The following TSEN2 variants were observed in gnomAD, a reference collection of about 807,000 sequenced individuals.
The protein encoded by TSEN2 is tRNA splicing endonuclease subunit 2.
In TSEN2, 54 loss-of-function variants were observed where a neutral mutation model predicts 59.2. The observed-to-expected ratio is 0.91, with a 90% CI of 0.73 to 1.14. TSEN2 has a LOEUF of 1.14. Ranked by LOEUF, TSEN2 falls within the 50% of genes most tolerant of loss-of-function variation. The pLI is 0.00. For synonymous variants in TSEN2, 195 were observed against 198.2 expected, an observed-to-expected ratio of 0.98 and a Z score of 0.14; for missense variants, 636 against 576.2, an observed-to-expected ratio of 1.10 and a Z score of -1.06.
At chr3:12,497,984 G>C (rs2053921683) in intron 4 of TSEN2, among the ~76,000 whole-genome samples, 1 of 152,020 alleles carries the variant, frequency 6.6e-6, no homozygotes, top group African/African-American at 2.4e-5. Context: ...TCCTTGGCTT[G>C]CAGATGCATC....
Position 12,489,919 on chromosome 3 carries a change from T to G in TSEN2, c.119T>G (p.Phe40Cys), listed in dbSNP as rs138662263. The change falls in exon 2 of 12, where the codon TTC becomes TGC. Residue 40 changes from phenylalanine (F) to cysteine (C), a missense_variant. Transcript: ENST00000284995. ...DHGPLKEFKI[F>C]RAEMINNNVI... ...GGTCCTCTGAAAGAATTCAAGATAT[T>G]CCGTGCTGAAATGATTAACAACAAT... 1.8e-5 allele frequency: 29 copies of G among 1,614,056 alleles called. No individual in the cohort carries two copies. The highest frequency in any genetic ancestry group is 1.7e-6 in the Non-Finnish European group (2 of 1,180,040).
chr3:12,493,178 A>T (rs1261936406), intron 3 of TSEN2, among the ~76,000 whole-genome samples: 1 of 152,146 alleles, frequency 6.6e-6, no homozygotes, highest in Non-Finnish European at 1.5e-5. Flanking sequence ...CTGCTGATGG[A>T]CACTTAGATT....
At chr3:12,519,430 T>G (rs2056432877) in intron 8 of TSEN2, among the ~76,000 whole-genome samples, 1 of 152,208 alleles carries the variant, frequency 6.6e-6, no homozygotes, top group African/African-American at 2.4e-5. Context: ...AGGCTTTCCC[T>G]CTTGTTTGCT....
chr3:12,523,880 A>G (rs1300987311), intron 8 of TSEN2, among the ~76,000 whole-genome samples: 1 of 151,870 alleles, frequency 6.6e-6, no homozygotes, highest in African/African-American at 2.4e-5. Context: ...TTGTTTTTCT[A>G]GTCAAACTTT....
chr3:12,505,428 A>G, intron 6 of TSEN2, 197 bp downstream of exon 6: 1 of 568,840 alleles, frequency 1.8e-6, no homozygotes, highest in Admixed American at 3.0e-5. Context: ...GTTCTAAGAT[A>G]TGTGTTTGCA....
At chr3:12,487,740 CA>C (rs1251912034) in intron 1 of TSEN2, among the ~76,000 whole-genome samples, 1 of 152,150 alleles carries the variant, frequency 6.6e-6, no homozygotes, top group Non-Finnish European at 1.5e-5. Flanking sequence ...GATAAGTCAG[CA>C]AGCAAGGTAA....
chr3:12,526,667 T>TA (rs1318918999), intron 8 of TSEN2, among the ~76,000 whole-genome samples: 1 of 152,252 alleles, frequency 6.6e-6, no homozygotes, highest in Non-Finnish European at 1.5e-5. Flanking sequence ...CTGTATGCCA[T>TA]ACACCGTGCT....
chr3:12,503,640 C>A lies in TSEN2; in HGVS notation c.687C>A (p.Ile229=), dbSNP rs746035594. The part of the protein sequence containing the change: ...HVCCCKQDAL[I]LQRGLHHEDG... Reference sequence around the variant, plus strand: ...GTTGCTGCAAACAAGATGCTCTCATCCTCCAGCGTGGCCTTCATCATGAAG... The same window carrying A: ...GTTGCTGCAAACAAGATGCTCTCATACTCCAGCGTGGCCTTCATCATGAAG... The change falls in exon 5 of 12, where the codon ATC becomes ATA. Residue 229 remains isoleucine (I), a synonymous_variant. Coordinates refer to ENST00000284995, the MANE Select transcript of TSEN2 (RefSeq NM_025265.4). 1.9e-6 allele frequency: 3 copies of A among 1,598,812 alleles called. No homozygotes were observed. Among genetic ancestry groups the A allele is most frequent in the African/African-American group, 2.7e-5 (2 of 74,558 alleles).
intron 3 of TSEN2, 108 bp downstream of exon 3, chr3:12,492,325 A>G: frequency 1.0e-6 from 1 of 952,662 alleles, no homozygotes; most frequent in Non-Finnish European, 1.6e-6. Flanking sequence ...TAACATGTAC[A>G]CTGGCAGTTT....
At chr3:12,497,201 G>A (rs961992099) in intron 4 of TSEN2, among the ~76,000 whole-genome samples, 1 of 152,130 alleles carries the variant, frequency 6.6e-6, no homozygotes, top group African/African-American at 2.4e-5. Context: ...CAGAGATCAG[G>A]CCCTTCTCCT....
chr3:12,505,565 GATCACC>G lies in TSEN2; in HGVS notation c.909+335_909+340del, dbSNP rs2054725381. 5 of 276,950 alleles carry G rather than the reference GATCACC, an allele frequency of 1.8e-5. No individual in the cohort carries two copies. The Admixed American group carries it at 1.9e-4, about 10-fold the overall frequency. The allele number at this position is 276,950 out of a possible 1,614,324, so 17.2% of individuals were successfully genotyped here. On this transcript the variant is annotated intron_variant, in intron 6 of 11. Transcript: ENST00000284995. Reference sequence around the variant, plus strand: ...GCACTTTGGGAGGCCAAGGCAGGAGGATCACCTGAGGTCAGGAGTTCGAGACCAGCC... The same window carrying G: ...GCACTTTGGGAGGCCAAGGCAGGAGGTGAGGTCAGGAGTTCGAGACCAGCC...
intron 10 of TSEN2, chr3:12,539,082 GT>G (rs1417616803): frequency 7.2e-6 from 3 of 415,884 alleles, no homozygotes; most frequent in Admixed American, 3.1e-5. Flanking sequence ...TTCTGAGGGG[GT>G]TTTTGGTTTT....
chr3:12,480,528 G>GGTTTTTTTTTTTTTTTTTT (rs1553565213), upstream of TSEN2, among the ~76,000 whole-genome samples: 104 of 91,748 alleles, frequency 1.1e-3, 1 homozygote, highest in South Asian at 5.0e-3. Flanking sequence ...TTGTTTCTTT[G>GGTTTTTTTTTTTTTTTTTT]TTTTTTTTTT....
intron 6 of TSEN2, chr3:12,506,636 C>T: frequency 4.2e-6 from 4 of 951,916 alleles, no homozygotes; most frequent in Non-Finnish European, 5.0e-6. Context: ...TCATATTGTC[C>T]CAGTGACCTG....
In TSEN2 at chr3:12,530,168, A is replaced by G. The variant is rs910804639; in HGVS notation, c.1248+295A>G. ...CTGGGTAGGCATTGCTTCTCTTCCC[A>G]GGGGTATCGTTGCTATGTGACTTGT... On this transcript the variant is annotated intron_variant, in intron 10 of 11. Coordinates refer to ENST00000284995, the MANE Select transcript of TSEN2 (RefSeq NM_025265.4). The G allele has an allele frequency of 4.0e-6, 5 of 1,252,696 alleles. No homozygotes were observed. In the African/African-American group the frequency reaches 7.6e-5, roughly 19 times the overall value. 77.6% of individuals were successfully genotyped at this position (1,252,696 alleles called of 1,614,324 possible).
intron 7 of TSEN2, among the ~76,000 whole-genome samples, chr3:12,517,364 A>AAAAAAAAAAAAAAC (rs2056238963): frequency 6.6e-6 from 1 of 150,914 alleles, no homozygotes; most frequent in Non-Finnish European, 1.5e-5. Context: ...TCTCAAAAAA[A>AAAAAAAAAAAAAAC]AAAAAAAGAA....
At chr3:12,519,949 C>T (rs972165009) in intron 8 of TSEN2, among the ~76,000 whole-genome samples, 5 of 152,138 alleles carry the variant, frequency 3.3e-5, no homozygotes, top group Non-Finnish European at 7.3e-5. Flanking sequence ...ATTTTACATT[C>T]ATCATCTTGT....
intron 4 of TSEN2, among the ~76,000 whole-genome samples, chr3:12,501,288 G>A (rs1022599157): frequency 6.6e-6 from 1 of 152,172 alleles, no homozygotes; most frequent in Admixed American, 6.5e-5. Flanking sequence ...ATTGAAGCAC[G>A]GAGAAGTTAA....
rs2057586904 is a variant in TSEN2 at position 12,533,514 on chromosome 3, T to A, written c.*793T>A. 1 of 152,032 alleles carries A rather than the reference T, an allele frequency of 6.6e-6. No individual in the cohort carries two copies. Among genetic ancestry groups the A allele is most frequent in the Non-Finnish European group, 1.5e-5 (1 of 68,110 alleles). 9.4% of individuals were successfully genotyped at this position (152,032 alleles called of 1,614,324 possible). On this transcript the variant is annotated 3_prime_UTR_variant, in exon 12 of 12. Transcript: ENST00000284995. ...ACCTCCTCTCTACTAACAAAAATTA[T>A]CCAAGCATTGTAGCACATGCCTGTA...
Sources: allele counts gnomAD v4.1 joint callset (sites outside exome capture counted in the v4.1 genomes callset), GRCh38; gene constraint gnomAD v4.1.1; transcripts MANE v1.5; gene names NCBI Gene and HGNC (gene_info 2026-07-23, HGNC 2026-07-21).